The following PDE4D variants were observed in gnomAD, a reference collection of about 807,000 sequenced individuals.
PDE4D encodes 3',5'-cyclic-AMP phosphodiesterase 4D.
In PDE4D, 24 loss-of-function variants were observed where a neutral mutation model predicts 87.4. That is an observed-to-expected ratio of 0.27 (90% CI 0.20 to 0.39). The LOEUF (loss-of-function observed/expected upper bound fraction) is 0.39. Among genes scored for constraint, PDE4D ranks in the 10% least tolerant of loss-of-function variants. The pLI is 1.00. For missense variants in PDE4D, 714 were observed against 1,041.0 expected (o/e 0.69, Z 4.32); for synonymous variants, 384 against 383.2 (o/e 1.00, Z -0.02).
Position 59,893,688 on chromosome 5 carries a change from T to C in PDE4D, c.-66A>G, listed in dbSNP as rs1277477650. The C allele has an allele frequency of 2.9e-6, 4 of 1,393,756 alleles. No homozygotes were observed. Among genetic ancestry groups the C allele is most frequent in the African/African-American group, 1.5e-5 (1 of 65,290 alleles). 86.3% of individuals were successfully genotyped at this position (1,393,756 alleles called of 1,614,324 possible). On this transcript the variant is annotated 5_prime_UTR_variant, in exon 1 of 15. Coordinates refer to ENST00000340635, the MANE Select transcript of PDE4D (RefSeq NM_001104631.2). ...CACCGCGCTGGCCCGAGCGCCTTCC[T>C]GATGCTGCTGCTGCTGCTGCCGCCG...
At chr5:59,834,480 G>A (rs1741707798) in intron 1 of PDE4D, among the ~76,000 whole-genome samples, 1 of 151,992 alleles carries the variant, frequency 6.6e-6, no homozygotes, top group Non-Finnish European at 1.5e-5. Context: ...CATTTAAAAT[G>A]GAATGATTAT....
intron 1 of PDE4D, among the ~76,000 whole-genome samples, chr5:60,337,378 T>C (rs1475317716): frequency 0.021 from 2,422 of 114,474 alleles, 119 homozygotes; most frequent in African/African-American, 0.08. Flanking sequence ...TATATATATA[T>C]ATATATATAT....
chr5:60,085,820 G>A (rs1774458720), intron 2 of PDE4D, among the ~76,000 whole-genome samples: 1 of 152,162 alleles, frequency 6.6e-6, no homozygotes, highest in Non-Finnish European at 1.5e-5. Context: ...GTAATCAAAA[G>A]AGGGCTGATT....
At chr5:59,002,556 T>C (rs570532249) in intron 6 of PDE4D, among the ~76,000 whole-genome samples, 2 of 150,954 alleles carry the variant, frequency 1.3e-5, no homozygotes, top group Non-Finnish European at 2.9e-5. Flanking sequence ...TCACAGACAG[T>C]GAAGAGAGAA....
intron 1 of PDE4D, among the ~76,000 whole-genome samples, chr5:59,233,898 A>AGTT (rs1755788524): frequency 6.6e-6 from 1 of 152,190 alleles, no homozygotes. Context: ...GGATGGTAGT[A>AGTT]GTTACACTGA....
At chr5:60,385,707 G>A (rs568147072) in intron 1 of PDE4D, among the ~76,000 whole-genome samples, 82 of 152,088 alleles carry the variant, frequency 5.4e-4, no homozygotes, top group Non-Finnish European at 9.3e-4. Context: ...ACCTACTAAC[G>A]GTCCCCAAGT....
intron 1 of PDE4D, among the ~76,000 whole-genome samples, chr5:59,840,748 A>T (rs775123292): frequency 3.3e-5 from 5 of 152,050 alleles, no homozygotes; most frequent in Non-Finnish European, 7.4e-5. Context: ...ACATTATGGC[A>T]AATAGAGTTC....
intron 5 of PDE4D, among the ~76,000 whole-genome samples, chr5:59,147,303 C>A (rs1437624077): frequency 1.3e-5 from 2 of 152,028 alleles, no homozygotes; most frequent in Non-Finnish European, 2.9e-5. Context: ...TAATGCAAGA[C>A]CACATCTTAA....
intron 2 of PDE4D, among the ~76,000 whole-genome samples, chr5:60,111,250 T>C (rs1777648512): frequency 6.6e-6 from 1 of 152,046 alleles, no homozygotes; most frequent in Non-Finnish European, 1.5e-5. Flanking sequence ...TATACGCATA[T>C]TGAAATATCA....
At chr5:59,238,540 T>C (rs1479454703) in intron 1 of PDE4D, among the ~76,000 whole-genome samples, 1 of 152,304 alleles carries the variant, frequency 6.6e-6, no homozygotes, top group Middle Eastern at 3.4e-3. Context: ...TTGAGCACCG[T>C]GGATTACTAT....
At chr5:59,361,362 G>A (rs1003007018) in intron 1 of PDE4D, among the ~76,000 whole-genome samples, 2 of 152,016 alleles carry the variant, frequency 1.3e-5, no homozygotes, top group East Asian at 1.9e-4. Context: ...TAAATAATTT[G>A]ACACAATTTT....
intron 11 of PDE4D, among the ~76,000 whole-genome samples, chr5:58,985,431 A>G (rs1175455025): frequency 1.3e-5 from 2 of 152,210 alleles, no homozygotes; most frequent in Non-Finnish European, 2.9e-5. Flanking sequence ...TTTGGCACCT[A>G]AAGCTAAAAC....
chr5:60,207,495 C>G (rs1052304589), intron 1 of PDE4D, among the ~76,000 whole-genome samples: 1 of 152,132 alleles, frequency 6.6e-6, no homozygotes, highest in Non-Finnish European at 1.5e-5. Context: ...AACAGAAGTC[C>G]TTATTTTACA....
intron 1 of PDE4D, among the ~76,000 whole-genome samples, chr5:59,420,802 T>C (rs901328763): frequency 2.0e-5 from 3 of 151,988 alleles, no homozygotes; most frequent in Non-Finnish European, 4.4e-5. Context: ...GTAACACCAG[T>C]ATCATATGAA....
chr5:60,233,440 A>G (rs1746043662), intron 1 of PDE4D, among the ~76,000 whole-genome samples: 2 of 151,864 alleles, frequency 1.3e-5, no homozygotes, highest in Non-Finnish European at 2.9e-5. Flanking sequence ...GATTTCATGG[A>G]AAAGTACAAT....
chr5:59,305,718 C>G (rs1428082231), intron 1 of PDE4D, among the ~76,000 whole-genome samples: 2 of 152,046 alleles, frequency 1.3e-5, no homozygotes, highest in East Asian at 3.9e-4. Flanking sequence ...TTTGAAGATT[C>G]CATTTGGAGT....
chr5:59,489,176 A>C (rs1475359934), intron 1 of PDE4D, among the ~76,000 whole-genome samples: 4 of 151,736 alleles, frequency 2.6e-5, no homozygotes, highest in Non-Finnish European at 5.9e-5. Flanking sequence ...GAGGCAGGAG[A>C]ATCGCTTGAA....
intron 1 of PDE4D, among the ~76,000 whole-genome samples, chr5:60,338,093 A>G (rs751304251): frequency 1.3e-5 from 2 of 152,172 alleles, no homozygotes; most frequent in Non-Finnish European, 2.9e-5. Context: ...AGATAAAGGA[A>G]GGTGAGTAGC....
At chr5:60,461,608 C>A (rs1055738305) in intron 1 of PDE4D, among the ~76,000 whole-genome samples, 1 of 152,222 alleles carries the variant, frequency 6.6e-6, no homozygotes, top group Non-Finnish European at 1.5e-5. Flanking sequence ...GATTCTCCAA[C>A]AAACCAAACC....
Sources: allele counts gnomAD v4.1 joint callset (sites outside exome capture counted in the v4.1 genomes callset), GRCh38; gene constraint gnomAD v4.1.1; transcripts MANE v1.5; gene names NCBI Gene and HGNC (gene_info 2026-07-23, HGNC 2026-07-21).